Variants in SLC38A1 observed in about 807,000 individuals in gnomAD.
The protein encoded by SLC38A1 is solute carrier family 38 member 1.
In SLC38A1, 18 loss-of-function variants were observed where a neutral mutation model predicts 60.3. The ratio of observed to expected loss-of-function variants is 0.30; its 90% CI spans 0.21 to 0.44. The LOEUF is 0.44. Among genes scored for constraint, SLC38A1 ranks in the 20% least tolerant of loss-of-function variants. SLC38A1 has a pLI of 1.00. For synonymous variants in SLC38A1, 196 were observed against 212.1 expected, an observed-to-expected ratio of 0.92 and a Z score of 0.66; for missense variants, 448 against 587.2, an observed-to-expected ratio of 0.76 and a Z score of 2.45.
chr12:46,238,992 T>G (rs1941351228), intron 3 of SLC38A1: 1 of 152,204 alleles, frequency 6.6e-6, no homozygotes, highest in Non-Finnish European at 1.5e-5. Context: ...AAATGCAACT[T>G]TGACCATTTC....
intron 5 of SLC38A1, among the ~76,000 whole-genome samples, chr12:46,227,542 A>G (rs544389976): frequency 6.6e-6 from 1 of 152,362 alleles, no homozygotes; most frequent in African/African-American, 2.4e-5. Context: ...ACTACCAGAT[A>G]CTACTTGTAT....
At chr12:46,234,519 C>T (rs1270191441) in intron 3 of SLC38A1, among the ~76,000 whole-genome samples, 1 of 150,014 alleles carries the variant, frequency 6.7e-6, no homozygotes, top group African/African-American at 2.5e-5. Flanking sequence ...GCTATCTCGG[C>T]TCACTGCAAG....
chr12:46,199,605 T>C (rs1417624274), intron 13 of SLC38A1, among the ~76,000 whole-genome samples: 1 of 151,774 alleles, frequency 6.6e-6, no homozygotes, highest in Non-Finnish European at 1.5e-5. Flanking sequence ...GCTATCCACC[T>C]ACCTTGGCCT....
chr12:46,204,298 T>C lies in SLC38A1; in HGVS notation c.822+3A>G. The C allele has an allele frequency of 6.4e-7, 1 of 1,567,000 alleles. No homozygotes were observed. The highest frequency in any genetic ancestry group is 8.8e-7 in the Non-Finnish European group (1 of 1,137,294). ...TTCATCTGCAAAGGATCAGGAAACT[T>C]ACCTTTGAATTGAAGGTAACATATT... On this transcript the variant is annotated splice_donor_region_variant and intron_variant, in intron 11 of 16. Transcript: ENST00000398637.
chr12:46,227,143 T>C (rs939382615), intron 5 of SLC38A1, among the ~76,000 whole-genome samples: 1 of 151,170 alleles, frequency 6.6e-6, no homozygotes, highest in African/African-American at 2.4e-5. Flanking sequence ...TAGAAGGAAA[T>C]AGAGCAATAC....
intron 5 of SLC38A1, among the ~76,000 whole-genome samples, chr12:46,219,641 T>C (rs1442008450): frequency 1.3e-5 from 2 of 152,136 alleles, no homozygotes; most frequent in African/African-American, 4.8e-5. Flanking sequence ...CTGTGAGTAA[T>C]AAAAGTTCAA....
chr12:46,206,668 A>G (rs545018956), intron 8 of SLC38A1, among the ~76,000 whole-genome samples: 169 of 152,318 alleles, frequency 1.1e-3, no homozygotes, highest in African/African-American at 3.9e-3. Context: ...TAAGACTGAC[A>G]AGAACTGTTA....
Position 46,268,943 on chromosome 12 carries a change from G to A in SLC38A1, c.-626C>T, listed in dbSNP as rs754275212. 1.1e-5 allele frequency: 5 copies of A among 452,422 alleles called. No homozygotes were observed. Among genetic ancestry groups the A allele is most frequent in the South Asian group, 7.8e-5 (5 of 64,032 alleles). The allele number at this position is 452,422 out of a possible 1,614,324, so 28.0% of individuals were successfully genotyped here. ...GGACGCGTGGCCCTTCCGCAACCATGGCTTGTGATGGTTTAACGCGGACAG... is the reference window on the plus strand; with the variant it reads ...GGACGCGTGGCCCTTCCGCAACCATAGCTTGTGATGGTTTAACGCGGACAG... On this transcript the variant is annotated 5_prime_UTR_variant, in exon 1 of 17. Coordinates refer to ENST00000398637, the MANE Select transcript of SLC38A1 (RefSeq NM_030674.4). The surrounding 1 kb of genome is among the most constrained non-coding windows in gnomAD (Gnocchi z 4.4).
intron 5 of SLC38A1, among the ~76,000 whole-genome samples, chr12:46,227,752 TG>T (rs907126768): frequency 2.0e-5 from 3 of 152,200 alleles, no homozygotes; most frequent in Non-Finnish European, 4.4e-5. Flanking sequence ...GAGGTTGGCC[TG>T]GTTCTGAAAT....
chr12:46,204,152 A>T (rs1939784976), intron 11 of SLC38A1, 149 bp downstream of exon 11: 3 of 650,610 alleles, frequency 4.6e-6, no homozygotes, highest in Admixed American at 4.8e-5. Flanking sequence ...TTTCTCAAGG[A>T]TCTCTACATA....
rs779568275 is a variant in SLC38A1 at position 46,204,329 on chromosome 12, G to A, written c.794C>T (p.Thr265Met). 44 of 1,611,692 alleles carry A rather than the reference G, an allele frequency of 2.7e-5. No individual in the cohort carries two copies. Among genetic ancestry groups the A allele is most frequent in the South Asian group, 3.3e-5 (3 of 91,026 alleles). The change falls in exon 11 of 17, where the codon ACG (threonine) becomes ATG (methionine). Residue 265 changes from threonine to methionine, a missense_variant. Around this residue, in one of 2 missense-constraint regions of SLC38A1, gnomAD observed 346 missense variants for 497.5 expected, o/e 0.70. Transcript: ENST00000398637. The stretch of plus-strand genomic sequence containing the variant: ...TGAATTGAAGGTAACATATTTTGGC[G>A]TACACGTGTCAGCATTTGTTGAATT... ...SANSTNADTC[T>M]PKYVTFNSKT...
chr12:46,256,818 A>G (rs1358935273), intron 1 of SLC38A1, among the ~76,000 whole-genome samples: 4 of 152,186 alleles, frequency 2.6e-5, no homozygotes, highest in African/African-American at 9.6e-5. Context: ...AGAACAAAAT[A>G]TGTGTGACAA....
intron 1 of SLC38A1, among the ~76,000 whole-genome samples, chr12:46,265,960 G>C (rs927658739): frequency 6.6e-6 from 1 of 152,138 alleles, no homozygotes; most frequent in Non-Finnish European, 1.5e-5. Flanking sequence ...GGAGACAAGA[G>C]GACAAGTGTG....
At chr12:46,198,824 A>G (rs577826851) in intron 13 of SLC38A1, 81 bp from the exon 14 acceptor site, 2 of 818,540 alleles carry the variant, frequency 2.4e-6, no homozygotes, top group Admixed American at 5.0e-5. Flanking sequence ...AAAACAAAGA[A>G]TCTGTAAACT....
rs962723617 is a variant in SLC38A1 at position 46,188,743 on chromosome 12, A to G, written c.*227T>C. 2.3e-6 allele frequency: 1 copy of G among 427,296 alleles called. No homozygotes were observed. Among genetic ancestry groups the G allele is most frequent in the African/African-American group, 2.0e-5 (1 of 50,956 alleles). 26.5% of individuals were successfully genotyped at this position (427,296 alleles called of 1,614,324 possible). ...GTACTGGGAAATATGATTGTATGAA[A>G]TTTGAAAAAAAAATTTCACAATCCC... is the stretch of plus-strand genomic sequence containing the variant. On this transcript the variant is annotated 3_prime_UTR_variant, in exon 17 of 17. Coordinates refer to ENST00000398637, the MANE Select transcript of SLC38A1 (RefSeq NM_030674.4).
intron 9 of SLC38A1, among the ~76,000 whole-genome samples, chr12:46,205,315 A>G (rs1223406169): frequency 6.6e-6 from 1 of 152,156 alleles, no homozygotes; most frequent in African/African-American, 2.4e-5. Flanking sequence ...CTATTTATAA[A>G]CCTCACAGAA....
At chr12:46,196,222 T>C in intron 16 of SLC38A1, 2 of 1,536,044 alleles carry the variant, frequency 1.3e-6, no homozygotes, top group Non-Finnish European at 1.7e-6. Flanking sequence ...GGGAGAAGGA[T>C]GATGCATTCT....
chr12:46,190,486 T>C (rs1411496214), intron 16 of SLC38A1, among the ~76,000 whole-genome samples: 2 of 152,238 alleles, frequency 1.3e-5, no homozygotes, highest in Admixed American at 1.3e-4. Context: ...GTATTTCTAG[T>C]TCTGGATCCT....
chr12:46,223,221 G>T (rs1025219375), intron 5 of SLC38A1, among the ~76,000 whole-genome samples: 1 of 152,064 alleles, frequency 6.6e-6, no homozygotes, highest in Non-Finnish European at 1.5e-5. Context: ...GTGATCACAG[G>T]TAAGTTATTA....
Sources: allele counts gnomAD v4.1 joint callset (sites outside exome capture counted in the v4.1 genomes callset), GRCh38; gene constraint gnomAD v4.1.1; regional missense constraint gnomAD v4.1.1; non-coding constraint Gnocchi (gnomAD v3.1); transcripts MANE v1.5; gene names NCBI Gene and HGNC (gene_info 2026-07-23, HGNC 2026-07-21).